Variants in CLDN16 observed in about 807,000 individuals in gnomAD.
CLDN16 encodes the protein claudin 16, also known as claudin-16.
Under a neutral mutation model 24.6 loss-of-function variants are expected in CLDN16, and 13 were observed. The observed-to-expected ratio is 0.53, with a 90% CI of 0.34 to 0.84. The LOEUF is 0.84. Ranked by LOEUF, CLDN16 falls within the 40% of genes least tolerant of loss-of-function variation. The pLI, the probability that CLDN16 is intolerant of heterozygous loss-of-function variation, is 0.01. For synonymous variants in CLDN16, 116 were observed against 106.7 expected, an observed-to-expected ratio of 1.09 and a Z score of -0.54; for missense variants, 298 against 292.7, an observed-to-expected ratio of 1.02 and a Z score of -0.13.
At chr3:190,406,058 A>C (rs3774005) in intron 3 of CLDN16, among the ~76,000 whole-genome samples, 79,301 of 151,926 alleles carry the variant, frequency 0.52, 22,218 homozygotes, top group African/African-American at 0.74. Flanking sequence ...TGTGTGATAT[A>C]TTCACCCGTG....
At chr3:190,379,384 C>T (rs1397395882) in intron 3 of CLDN16, among the ~76,000 whole-genome samples, 3 of 152,012 alleles carry the variant, frequency 2.0e-5, no homozygotes, top group Non-Finnish European at 2.9e-5. Context: ...AAAAATCTAT[C>T]GAGAGCCTAA....
the CLDN16 span, among the ~76,000 whole-genome samples, chr3:190,296,928 TC>T: frequency 6.6e-6 from 1 of 152,112 alleles, no homozygotes; most frequent in African/African-American, 2.4e-5. Context: ...TAACATGTCT[TC>T]CAAAGATCTT....
intron 1 of CLDN16, among the ~76,000 whole-genome samples, chr3:190,333,039 A>G (rs915753449): frequency 2.6e-5 from 4 of 152,124 alleles, no homozygotes; most frequent in South Asian, 4.1e-4. Flanking sequence ...GGAGAATATT[A>G]CTGCCATTAG....
chr3:190,351,670 A>G (rs568215378), intron 1 of CLDN16, among the ~76,000 whole-genome samples: 1 of 152,274 alleles, frequency 6.6e-6, no homozygotes, highest in South Asian at 2.1e-4. Context: ...GAAACATATT[A>G]GCAGATATTG....
At chr3:190,338,460 G>A (rs1306999677) in intron 1 of CLDN16, among the ~76,000 whole-genome samples, 1 of 151,760 alleles carries the variant, frequency 6.6e-6, no homozygotes, top group Non-Finnish European at 1.5e-5. Context: ...TGAACTGCAG[G>A]TTATCTCTTG....
In CLDN16 at chr3:190,372,330, C is replaced by G. The variant is rs549672508; in HGVS notation, n.230+1329C>G. 2.0e-5 allele frequency among the ~76,000 whole-genome samples: 3 copies of G among 151,954 alleles called. No individual in the cohort carries two copies. The East Asian group carries it at 5.9e-4, about 30-fold the overall frequency. On this transcript the variant is annotated intron_variant and non_coding_transcript_variant, in intron 2 of 4. Transcript: ENST00000468220. ...GATGTTCTCTGAACTCCAGTTTCCT[C>G]ACAAACAAACCAAAATTAGAGCTAG...
At chr3:190,381,495 A>G (rs1718371797) in intron 3 of CLDN16, among the ~76,000 whole-genome samples, 1 of 151,966 alleles carries the variant, frequency 6.6e-6, no homozygotes, top group Admixed American at 6.6e-5. Context: ...CATATGCTAA[A>G]CTCTGGACAT....
intron 1 of CLDN16, among the ~76,000 whole-genome samples, chr3:190,392,333 A>G (rs542947733): frequency 6.9e-6 from 1 of 145,864 alleles, no homozygotes; most frequent in East Asian, 2.0e-4. Context: ...TTTCCCTCCT[A>G]TATCCTTCTT....
intron 1 of CLDN16, among the ~76,000 whole-genome samples, chr3:190,328,942 A>G (rs138143581): frequency 1.3e-5 from 2 of 152,272 alleles, no homozygotes; most frequent in African/African-American, 4.8e-5. Flanking sequence ...TACTTTGTTC[A>G]TTTATGTTAC....
chr3:190,330,050 A>G (rs528462409), intron 1 of CLDN16, among the ~76,000 whole-genome samples: 1 of 151,532 alleles, frequency 6.6e-6, no homozygotes, highest in African/African-American at 2.4e-5. Context: ...CCCCTCCACC[A>G]GCATCACTTA....
intron 1 of CLDN16, among the ~76,000 whole-genome samples, chr3:190,388,684 A>G (rs1718572416): frequency 3.9e-5 from 6 of 152,144 alleles, no homozygotes; most frequent in Admixed American, 2.6e-4. Flanking sequence ...CTTTTTTCAC[A>G]AGGATAAATT....
chr3:190,376,664 A>G (rs10937430), intron 3 of CLDN16, among the ~76,000 whole-genome samples: 28,160 of 151,906 alleles, frequency 0.19, 3,054 homozygotes, highest in Middle Eastern at 0.3. Flanking sequence ...TCGTTTAGGT[A>G]TCCAAACTTA....
At chr3:190,302,769 C>T in the CLDN16 span, among the ~76,000 whole-genome samples, 1 of 9,354 alleles carries the variant, frequency 1.1e-4, no homozygotes, top group African/African-American at 3.2e-4. Flanking sequence ...GAAACCCTGT[C>T]TCAAAAAAAA....
At chr3:190,299,498 G>GA in the CLDN16 span, among the ~76,000 whole-genome samples, 1 of 151,742 alleles carries the variant, frequency 6.6e-6, no homozygotes, top group Non-Finnish European at 1.5e-5. Context: ...TATTTAATTA[G>GA]AAAAATTCTT....
intron 2 of CLDN16, 106 bp from the exon 3 acceptor site, chr3:190,404,656 G>A (rs373992227): frequency 7.3e-5 from 76 of 1,037,844 alleles, no homozygotes; most frequent in Non-Finnish European, 1.1e-4. Context: ...TTTACCGGAG[G>A]GGTGTGTTAA....
At chr3:190,320,201 A>G (rs976560522), upstream of CLDN16, among the ~76,000 whole-genome samples, 6 of 152,250 alleles carry the variant, frequency 3.9e-5, no homozygotes, top group African/African-American at 1.4e-4. Context: ...AGTATTTACA[A>G]CATAGATCAA....
At chr3:190,349,748 C>T (rs74703776) in intron 1 of CLDN16, among the ~76,000 whole-genome samples, 4,623 of 152,270 alleles carry the variant, frequency 0.03, 115 homozygotes, top group East Asian at 0.084. Flanking sequence ...TACACTTGCA[C>T]TCCTGCCATT....
chr3:190,370,166 A>G (rs879879535), intron 1 of CLDN16, among the ~76,000 whole-genome samples: 1 of 151,968 alleles, frequency 6.6e-6, no homozygotes, highest in Admixed American at 6.6e-5. Flanking sequence ...TTTCCTTTTA[A>G]GAAATATCTT....
chr3:190,291,081 C>A, the CLDN16 span, among the ~76,000 whole-genome samples: 1 of 152,008 alleles, frequency 6.6e-6, no homozygotes, highest in Non-Finnish European at 1.5e-5. Flanking sequence ...CTATGCGGAA[C>A]CATAGCATGT....
Sources: allele counts gnomAD v4.1 joint callset (sites outside exome capture counted in the v4.1 genomes callset), GRCh38; gene constraint gnomAD v4.1.1; transcripts MANE v1.5; gene names NCBI Gene and HGNC (gene_info 2026-07-23, HGNC 2026-07-21).